Variants in MSANTD3 observed in about 807,000 individuals in gnomAD.
The protein encoded by MSANTD3 is myb/SANT-like DNA-binding domain-containing protein 3.
MSANTD3 carries 11 observed loss-of-function variants against 27.7 expected under a neutral mutation model. That is an observed-to-expected ratio of 0.40 (90% CI 0.25 to 0.66). The LOEUF (loss-of-function observed/expected upper bound fraction) is 0.66. Among genes scored for constraint, MSANTD3 ranks in the 30% least tolerant of loss-of-function variants. MSANTD3 has a pLI of 0.41. For missense variants in MSANTD3, 250 were observed against 336.5 expected, an observed-to-expected ratio of 0.74 and a Z score of 2.01; for synonymous variants, 131 against 127.2, an observed-to-expected ratio of 1.03 and a Z score of -0.20.
chr9:100,435,977 T>C (rs1401260082), intron 1 of MSANTD3, among the ~76,000 whole-genome samples: 1 of 152,220 alleles, frequency 6.6e-6, no homozygotes, highest in East Asian at 1.9e-4. Flanking sequence ...TAGTCAATGT[T>C]AGTGTTTTGG....
At chr9:100,449,488 C>T (rs1412269411) in intron 2 of MSANTD3, among the ~76,000 whole-genome samples, 2 of 151,966 alleles carry the variant, frequency 1.3e-5, no homozygotes, top group Admixed American at 6.6e-5. Flanking sequence ...ACAGAGCAAG[C>T]GGCATTGGTT....
chr9:100,445,096 G>A, intron 2 of MSANTD3: 1 of 844,900 alleles, frequency 1.2e-6, no homozygotes, highest in Non-Finnish European at 2.0e-6. Flanking sequence ...GTTAATACTA[G>A]TAGGTAGGGT....
At chr9:100,433,458 C>T (rs1280739663) in intron 1 of MSANTD3, among the ~76,000 whole-genome samples, 5 of 152,128 alleles carry the variant, frequency 3.3e-5, no homozygotes, top group Non-Finnish European at 7.3e-5. Context: ...CAACCTCAAC[C>T]TCCTGGGCTC....
intron 2 of MSANTD3, 94 bp downstream of exon 2, chr9:100,442,450 A>G (rs1836650957): frequency 2.7e-6 from 4 of 1,491,386 alleles, no homozygotes; most frequent in Admixed American, 4.7e-5. Context: ...ACTTCTAAAA[A>G]TGAAACTTTT....
chr9:100,432,015 G>A (rs181207995), intron 1 of MSANTD3, among the ~76,000 whole-genome samples: 28 of 152,250 alleles, frequency 1.8e-4, no homozygotes, highest in Non-Finnish European at 2.6e-4. Flanking sequence ...GGGGAAGGAC[G>A]GGGTTAGGAC....
intron 2 of MSANTD3, chr9:100,448,875 A>C (rs1344275396): frequency 1.0e-6 from 1 of 984,870 alleles, no homozygotes; most frequent in Admixed American, 6.2e-5. Context: ...CAGAAGTAAG[A>C]TTTTTACCTT....
intron 2 of MSANTD3, among the ~76,000 whole-genome samples, chr9:100,447,111 C>T (rs1437357953): frequency 6.6e-6 from 1 of 152,026 alleles, no homozygotes; most frequent in Non-Finnish European, 1.5e-5. Context: ...GATTTCCTAC[C>T]CTTTTTGCAT....
intron 1 of MSANTD3, among the ~76,000 whole-genome samples, chr9:100,435,145 C>T (rs193244747): frequency 2.6e-5 from 4 of 152,228 alleles, no homozygotes; most frequent in East Asian, 3.9e-4. Context: ...GCCGGGATAG[C>T]GGGGGAGTAA....
intron 2 of MSANTD3, chr9:100,449,206 A>G (rs1564252507): frequency 3.0e-6 from 3 of 985,166 alleles, no homozygotes; most frequent in Non-Finnish European, 3.6e-6. Flanking sequence ...CCTTATTGCA[A>G]CTCCCTAATT....
intron 2 of MSANTD3, among the ~76,000 whole-genome samples, chr9:100,446,257 G>C (rs1181330454): frequency 6.6e-6 from 1 of 152,020 alleles, no homozygotes; most frequent in Non-Finnish European, 1.5e-5. Context: ...CTAATCTTTG[G>C]GGGTGAGATC....
intron 2 of MSANTD3, among the ~76,000 whole-genome samples, chr9:100,446,489 G>T (rs1365223336): frequency 6.6e-6 from 1 of 151,966 alleles, no homozygotes; most frequent in Middle Eastern, 3.2e-3. Context: ...TTGTGCTAGG[G>T]ATACCATTTT....
intron 2 of MSANTD3, chr9:100,445,210 A>G: frequency 1.2e-6 from 2 of 1,609,326 alleles, no homozygotes; most frequent in African/African-American, 2.7e-5. Context: ...ATTGTCAATC[A>G]TCCTTTCTGG....
chr9:100,434,871 A>T (rs917392519), intron 1 of MSANTD3, among the ~76,000 whole-genome samples: 10 of 152,206 alleles, frequency 6.6e-5, no homozygotes, highest in East Asian at 1.9e-4. Flanking sequence ...CATACTCTAG[A>T]ACAGTGCTGA....
chr9:100,430,739 AG>A (rs1307322782), intron 1 of MSANTD3, among the ~76,000 whole-genome samples: 1 of 152,226 alleles, frequency 6.6e-6, no homozygotes, highest in African/African-American at 2.4e-5. Flanking sequence ...CTTGTTAATT[AG>A]TTGCATGTGA....
In MSANTD3 at chr9:100,427,279, T is replaced by TCGGGAGCCCGCGGCCCTCC. The variant is rs1836265913; in HGVS notation, c.-144_-126dup. On this transcript the variant is annotated 5_prime_UTR_variant, in exon 1 of 3. Coordinates refer to ENST00000395067, the MANE Select transcript of MSANTD3 (RefSeq NM_080655.3). ...CGCCGCCGCCGCCGCCGCCCGGCGT[T>TCGGGAGCCCGCGGCCCTCC]CGGGAGCCCGCGGCCCTCCCGGCCG... The TCGGGAGCCCGCGGCCCTCC allele has an allele frequency of 6.9e-6, 1 of 145,028 alleles. No homozygotes were observed. Among genetic ancestry groups the TCGGGAGCCCGCGGCCCTCC allele is most frequent in the Non-Finnish European group, 1.5e-5 (1 of 65,398 alleles). 9.0% of individuals were successfully genotyped at this position (145,028 alleles called of 1,614,324 possible).
At chr9:100,428,626 A>C (rs1486105644) in intron 1 of MSANTD3, among the ~76,000 whole-genome samples, 1 of 152,110 alleles carries the variant, frequency 6.6e-6, no homozygotes, top group Non-Finnish European at 1.5e-5. Context: ...GGGATGTTAT[A>C]GGTTGTCTCT....
intron 1 of MSANTD3, among the ~76,000 whole-genome samples, chr9:100,431,284 G>T (rs747286880): frequency 3.3e-5 from 5 of 149,784 alleles, no homozygotes; most frequent in African/African-American, 1.2e-4. Flanking sequence ...TTACAGGCGT[G>T]AGCCACCATG....
chr9:100,435,765 C>T (rs574126056), intron 1 of MSANTD3, among the ~76,000 whole-genome samples: 1 of 152,178 alleles, frequency 6.6e-6, no homozygotes, highest in Non-Finnish European at 1.5e-5. Flanking sequence ...AAGGCACTAA[C>T]CCCACTGGAC....
In MSANTD3 at chr9:100,450,825, G is replaced by T. The variant is rs750039412; in HGVS notation, c.687G>T (p.Glu229Asp). 1 of 1,614,112 alleles carries T rather than the reference G, an allele frequency of 6.2e-7. No homozygotes were observed. Among genetic ancestry groups the T allele is most frequent in the Non-Finnish European group, 8.5e-7 (1 of 1,180,052 alleles). The change falls in exon 3 of 3, where the codon GAG becomes GAT. Residue 229 changes from glutamate (E) to aspartate (D), a missense_variant. Glu to Asp is a conservative substitution (Grantham distance 45). Transcript: ENST00000395067. ...HVAKIQQIER[E>D]CEMAEEEHRI... ...CCAAAATCCAGCAGATAGAGCGAGA[G>T]TGTGAGATGGCAGAGGAGGAACACA...
Sources: allele counts gnomAD v4.1 joint callset (sites outside exome capture counted in the v4.1 genomes callset), GRCh38; gene constraint gnomAD v4.1.1; transcripts MANE v1.5; gene names NCBI Gene and HGNC (gene_info 2026-07-23, HGNC 2026-07-21).